VEZT: variants seen among roughly 807,000 people sequenced by gnomAD.
VEZT encodes vezatin, adherens junctions transmembrane protein, also known as vezatin.
VEZT carries 39 observed loss-of-function variants against 79.9 expected under a neutral mutation model. That is an observed-to-expected ratio of 0.49 (90% confidence interval 0.38 to 0.64). The LOEUF (loss-of-function observed/expected upper bound fraction) is 0.64. VEZT is among the 30% of genes least tolerant of loss of function. The pLI is 0.00. For synonymous variants in VEZT, 325 were observed against 327.6 expected (o/e 0.99, Z 0.09); for missense variants, 837 against 893.1 (o/e 0.94, Z 0.80).
At chr12:95,232,798 C>T (rs1045959868) in intron 1 of VEZT, among the ~76,000 whole-genome samples, 2 of 151,716 alleles carry the variant, frequency 1.3e-5, no homozygotes, top group African/African-American at 4.8e-5. Flanking sequence ...TTTTTTTGTT[C>T]GTTTGTTTTG....
At chr12:95,297,016 G>A (rs1170998395) in intron 11 of VEZT, 1 of 152,256 alleles carries the variant, frequency 6.6e-6, no homozygotes. Flanking sequence ...CACATCATTA[G>A]CATTATTTAA....
chr12:95,283,147 C>A lies in VEZT; in HGVS notation c.1328+503C>A, dbSNP rs150885397. Among the ~76,000 whole-genome samples the A allele has an allele frequency of 9.0e-4, 137 of 152,250 alleles. 2 individuals are homozygous for A. The highest frequency in any genetic ancestry group is 3.2e-3 in the African/African-American group (134 of 41,554). On this transcript the variant is annotated intron_variant, in intron 8 of 11. Coordinates refer to ENST00000436874, the MANE Select transcript of VEZT (RefSeq NM_017599.4). ...AAGCTTTGTGGTCCCAGTTGAAGAG[C>A]AAAATGTAGAGTCTAGAGTTTATAT... is the stretch of plus-strand genomic sequence containing the variant.
At chr12:95,257,622 T>C (rs2063669751) in intron 3 of VEZT, among the ~76,000 whole-genome samples, 1 of 152,186 alleles carries the variant, frequency 6.6e-6, no homozygotes, top group South Asian at 2.1e-4. Context: ...GTCTTTGTGA[T>C]TTTTGTGAGG....
At chr12:95,235,666 G>C (rs1022514958) in intron 1 of VEZT, among the ~76,000 whole-genome samples, 7 of 145,540 alleles carry the variant, frequency 4.8e-5, no homozygotes, top group Non-Finnish European at 9.1e-5. Flanking sequence ...GCCGGGCGGG[G>C]GGCTGACCCC....
chr12:95,257,132 G>A lies in VEZT; in HGVS notation c.169-18G>A, dbSNP rs534705130. 9.0e-5 allele frequency: 144 copies of A among 1,595,096 alleles called. No individual in the cohort carries two copies. Among genetic ancestry groups the A allele is most frequent in the Non-Finnish European group, 1.2e-4 (139 of 1,168,536 alleles). On this transcript the variant is annotated intron_variant, in intron 2 of 11. Transcript: ENST00000436874. Reference sequence around the variant, plus strand: ...TATGCTTTTAATAATCCTATACAATGTCATTCATTTCCTTCAGCAAGGTAT... The same window carrying A: ...TATGCTTTTAATAATCCTATACAATATCATTCATTTCCTTCAGCAAGGTAT...
chr12:95,242,613 C>T (rs1353146908), intron 1 of VEZT, among the ~76,000 whole-genome samples: 2 of 152,130 alleles, frequency 1.3e-5, no homozygotes, highest in African/African-American at 4.8e-5. Context: ...GTGGCTCACG[C>T]CTGTAATCCC....
At chr12:95,229,166 C>T (rs960038624) in intron 1 of VEZT, among the ~76,000 whole-genome samples, 1 of 152,032 alleles carries the variant, frequency 6.6e-6, no homozygotes, top group Non-Finnish European at 1.5e-5. Flanking sequence ...TTCACAGATC[C>T]TTGGGGCTCC....
At chr12:95,233,613 G>C (rs1396685363) in intron 1 of VEZT, among the ~76,000 whole-genome samples, 1 of 151,924 alleles carries the variant, frequency 6.6e-6, no homozygotes, top group Admixed American at 6.5e-5. Context: ...TGTTGGCCAG[G>C]CTGGTCTCAA....
intron 1 of VEZT, among the ~76,000 whole-genome samples, chr12:95,223,575 C>T (rs766310173): frequency 5.9e-5 from 9 of 151,968 alleles, no homozygotes; most frequent in Non-Finnish European, 1.2e-4. Flanking sequence ...CTCAGCCTCC[C>T]GAGTAGCTGG....
chr12:95,222,429 G>T (rs1169114876), intron 1 of VEZT, among the ~76,000 whole-genome samples: 1 of 152,040 alleles, frequency 6.6e-6, no homozygotes, highest in Non-Finnish European at 1.5e-5. Context: ...CTGTAGTGTT[G>T]CCTTTGTCAT....
intron 5 of VEZT, among the ~76,000 whole-genome samples, chr12:95,267,682 C>T (rs2065797001): frequency 6.6e-6 from 1 of 152,100 alleles, no homozygotes. Context: ...ACACACAATC[C>T]CAAGACATAA....
intron 7 of VEZT, among the ~76,000 whole-genome samples, chr12:95,281,039 AT>A (rs1431720755): frequency 6.6e-6 from 1 of 152,094 alleles, no homozygotes; most frequent in African/African-American, 2.4e-5. Flanking sequence ...AATACTGTCT[AT>A]TTTCATGGTT....
chr12:95,282,732 T>A, intron 8 of VEZT, 88 bp downstream of exon 8: 2 of 1,175,214 alleles, frequency 1.7e-6, no homozygotes, highest in Non-Finnish European at 2.3e-6. Context: ...GTGTCCTACC[T>A]AGAAAAAAGA....
intron 6 of VEZT, among the ~76,000 whole-genome samples, chr12:95,271,178 TTC>T (rs944567328): frequency 2.0e-5 from 3 of 152,140 alleles, no homozygotes; most frequent in Admixed American, 6.5e-5. Flanking sequence ...TTCTCTCTCT[TTC>T]TCTCTCTTTC....
chr12:95,294,375 A>G lies in VEZT; in HGVS notation c.1623+3A>G. The G allele has an allele frequency of 1.9e-6, 3 of 1,566,612 alleles. No homozygotes were observed. The highest frequency in any genetic ancestry group is 2.6e-6 in the Non-Finnish European group (3 of 1,154,470). ...AAGATCCAATCCCAGAGGAGCAGGT[A>G]AGGGTGAAAATTACTGTTCTTTCCC... On this transcript the variant is annotated splice_donor_region_variant and intron_variant, in intron 10 of 11. Coordinates refer to ENST00000436874, the MANE Select transcript of VEZT (RefSeq NM_017599.4).
chr12:95,265,959 C>T lies in VEZT; in HGVS notation c.435-398C>T, dbSNP rs1005982756. Among the ~76,000 whole-genome samples the T allele has an allele frequency of 4.6e-5, 7 of 152,166 alleles. 1 individual carries two copies. Among genetic ancestry groups the T allele is most frequent in the Admixed American group, 3.9e-4 (6 of 15,280 alleles). Reference sequence around the variant, plus strand: ...GCTAATGAAGTTTGATTTTATCCTGCAGGCGATGGGTGGTATTTCTAGCTC... The same window carrying T: ...GCTAATGAAGTTTGATTTTATCCTGTAGGCGATGGGTGGTATTTCTAGCTC... On this transcript the variant is annotated intron_variant, in intron 4 of 11. Transcript: ENST00000436874.
In VEZT at chr12:95,300,953, A is replaced by G. The variant is rs1055627527; in HGVS notation, c.*280A>G. ...TCTTGGAAATTCTTTAAGTATTTTT[A>G]ATAAGAAATGAATTATCATTTCTTG... On this transcript the variant is annotated 3_prime_UTR_variant, in exon 12 of 12. Transcript: ENST00000436874. 9 of 223,196 alleles carry G rather than the reference A, an allele frequency of 4.0e-5. No homozygotes were observed. The highest frequency in any genetic ancestry group is 1.8e-4 in the African/African-American group (8 of 43,874). 13.8% of individuals were successfully genotyped at this position (223,196 alleles called of 1,614,324 possible). A position where few individuals can be genotyped will look rare whatever the true frequency, so the allele number is the denominator to read the frequency against.
At chr12:95,225,431 C>A (rs2058281256) in intron 1 of VEZT, among the ~76,000 whole-genome samples, 1 of 152,082 alleles carries the variant, frequency 6.6e-6, no homozygotes. Flanking sequence ...GTGGCGGGCG[C>A]CTGTAGTCCC....
At chr12:95,266,255 AT>A in intron 4 of VEZT, 101 bp from the exon 5 acceptor site, 1 of 1,272,966 alleles carries the variant, frequency 7.9e-7, no homozygotes, top group Non-Finnish European at 1.1e-6. Context: ...CATTTTATTT[AT>A]TTAGTAAACC....
Sources: allele counts gnomAD v4.1 joint callset (sites outside exome capture counted in the v4.1 genomes callset), GRCh38; gene constraint gnomAD v4.1.1; transcripts MANE v1.5; gene names NCBI Gene and HGNC (gene_info 2026-07-23, HGNC 2026-07-21).